ENTHD1: variants seen among roughly 807,000 people sequenced by gnomAD.
ENTHD1 encodes ENTH domain-containing protein 1.
In ENTHD1, 23 loss-of-function variants were observed where a neutral mutation model predicts 39.1. The observed-to-expected ratio is 0.59, with a 90% CI of 0.42 to 0.83. The LOEUF (loss-of-function observed/expected upper bound fraction) is 0.83, where lower values mean the gene tolerates loss of function less well. Ranked by LOEUF, ENTHD1 falls within the 40% of genes least tolerant of loss-of-function variation. The pLI is 0.00. For synonymous variants in ENTHD1, 230 were observed against 258.2 expected, an observed-to-expected ratio of 0.89 and a Z score of 1.05; for missense variants, 624 against 705.4, an observed-to-expected ratio of 0.88 and a Z score of 1.31.
chr22:39,776,619 A>G (rs1335589220), intron 5 of ENTHD1, among the ~76,000 whole-genome samples: 1 of 152,194 alleles, frequency 6.6e-6, no homozygotes, highest in Non-Finnish European at 1.5e-5. Flanking sequence ...TTTGTTCCCT[A>G]TGTAAGACAT....
intron 3 of ENTHD1, among the ~76,000 whole-genome samples, chr22:39,850,843 A>G (rs939563339): frequency 2.0e-5 from 3 of 152,288 alleles, no homozygotes; most frequent in African/African-American, 7.2e-5. Flanking sequence ...GCTACCCACT[A>G]TTCTAGTTGT....
chr22:39,752,033 T>C (rs776972963), intron 6 of ENTHD1, among the ~76,000 whole-genome samples: 13 of 152,128 alleles, frequency 8.5e-5, no homozygotes, highest in Admixed American at 5.2e-4. Flanking sequence ...TCTATCTCTA[T>C]AGAAGAGAGA....
chr22:39,860,340 A>G (rs1288068820), intron 3 of ENTHD1, among the ~76,000 whole-genome samples: 1 of 152,214 alleles, frequency 6.6e-6, no homozygotes, highest in East Asian at 1.9e-4. Context: ...ATAATTGGTT[A>G]TTCTTCTCTG....
chr22:39,751,513 TG>T (rs1361948653), intron 6 of ENTHD1, among the ~76,000 whole-genome samples: 7 of 152,246 alleles, frequency 4.6e-5, no homozygotes, highest in East Asian at 1.9e-4. Context: ...GATGTACAGA[TG>T]TTTTTTTCTT....
intron 2 of ENTHD1, among the ~76,000 whole-genome samples, chr22:39,862,742 TA>T (rs1482207680): frequency 1.3e-5 from 2 of 152,052 alleles, no homozygotes; most frequent in African/African-American, 4.8e-5. Context: ...GAAATCACCA[TA>T]TATGTACACG....
intron 5 of ENTHD1, among the ~76,000 whole-genome samples, chr22:39,819,811 G>A (rs942696780): frequency 1.3e-5 from 2 of 152,206 alleles, no homozygotes. Context: ...ACAGGGGTAC[G>A]TGGGAACTCT....
intron 5 of ENTHD1, among the ~76,000 whole-genome samples, chr22:39,814,062 G>A (rs1292556446): frequency 6.6e-6 from 1 of 152,018 alleles, no homozygotes; most frequent in East Asian, 1.9e-4. Context: ...TGAATAGAAT[G>A]ATTGGATATC....
intron 5 of ENTHD1, among the ~76,000 whole-genome samples, chr22:39,782,547 A>T (rs2065418886): frequency 6.6e-6 from 1 of 152,228 alleles, no homozygotes; most frequent in African/African-American, 2.4e-5. Context: ...ATGAATATAG[A>T]TACAAAAATT....
intron 2 of ENTHD1, among the ~76,000 whole-genome samples, chr22:39,881,271 G>A (rs1398117960): frequency 3.9e-5 from 6 of 152,174 alleles, no homozygotes; most frequent in African/African-American, 7.2e-5. Context: ...TCCAACTGGT[G>A]ACTCTTTTAA....
chr22:39,794,803 CAAAA>C (rs751655466), intron 5 of ENTHD1, among the ~76,000 whole-genome samples: 2 of 82,390 alleles, frequency 2.4e-5, no homozygotes, highest in Admixed American at 1.3e-4. Flanking sequence ...GACTCCATCT[CAAAA>C]AAAAAAAAAA....
chr22:39,868,452 T>A (rs1218286009), intron 2 of ENTHD1, among the ~76,000 whole-genome samples: 1 of 151,996 alleles, frequency 6.6e-6, no homozygotes, highest in East Asian at 1.9e-4. Flanking sequence ...TACACATTTT[T>A]AAAATCTAAC....
intron 3 of ENTHD1, among the ~76,000 whole-genome samples, chr22:39,846,301 A>T (rs2065988108): frequency 6.6e-6 from 1 of 152,152 alleles, no homozygotes; most frequent in South Asian, 2.1e-4. Flanking sequence ...CTCAGGCTCA[A>T]GCGATCTTCC....
intron 6 of ENTHD1, among the ~76,000 whole-genome samples, chr22:39,757,538 A>G (rs1426276110): frequency 2.0e-5 from 3 of 152,024 alleles, no homozygotes; most frequent in Admixed American, 2.0e-4. Context: ...TTAGCTGGGC[A>G]TGGTGGCACG....
rs2065084925 is a variant in ENTHD1, at chr22:39,744,150, A to C, written c.1353T>G (p.His451Gln). 19 of 1,614,154 alleles carry C rather than the reference A, an allele frequency of 1.2e-5. No individual in the cohort carries two copies. The highest frequency in any genetic ancestry group is 1.6e-5 in the Non-Finnish European group (19 of 1,180,000). The part of the protein sequence containing the change: ...LAGPSFWTLS[H>Q]QQLSSTSFKD... ...TAAAGGAGGTAGAAGACAACTGTTG[A>C]TGGGACAGAGTCCAGAAGGAAGGTC... The change falls in exon 7 of 7, where the codon CAT (histidine) becomes CAG (glutamine). Residue 451 changes from histidine to glutamine, a missense_variant. Physicochemically the swap from His to Gln is conservative, Grantham distance 24. Transcript: ENST00000325157.
intron 5 of ENTHD1, among the ~76,000 whole-genome samples, chr22:39,819,170 T>C (rs564045532): frequency 1.8e-4 from 27 of 152,042 alleles, no homozygotes; most frequent in African/African-American, 6.5e-4. Context: ...ATCAAGACCA[T>C]CCTGGCTAAC....
chr22:39,859,063 T>A (rs1192836559), intron 3 of ENTHD1, among the ~76,000 whole-genome samples: 1 of 152,204 alleles, frequency 6.6e-6, no homozygotes, highest in African/African-American at 2.4e-5. Context: ...CTGCTTCACT[T>A]TGTACTTGTG....
chr22:39,889,447 C>T (rs761296386), intron 1 of ENTHD1, among the ~76,000 whole-genome samples: 1 of 152,218 alleles, frequency 6.6e-6, no homozygotes, highest in Non-Finnish European at 1.5e-5. Flanking sequence ...TAGTGATTCA[C>T]CACTGCTGGC....
chr22:39,791,985 G>A (rs1289720553), intron 5 of ENTHD1, among the ~76,000 whole-genome samples: 1 of 152,018 alleles, frequency 6.6e-6, no homozygotes. Flanking sequence ...AGAATATGCG[G>A]TATTTGGTTT....
chr22:39,861,831 T>TG lies in ENTHD1; in HGVS notation c.525dup (p.Thr176HisfsTer12). On this transcript the variant is annotated frameshift_variant, in exon 3 of 7. Coordinates refer to ENST00000325157, the MANE Select transcript of ENTHD1 (RefSeq NM_152512.4). LOFTEE classifies it high-confidence loss of function. ...TTCTCTGAAGCAGAAATATCCGGTG[T>TG]GGGGGCAGAAGTGCACGCTGTCAGT... 6.3e-7 allele frequency: 1 copy of TG among 1,598,000 alleles called. No individual in the cohort carries two copies.
Sources: gnomAD v4.1 joint callset for allele counts (sites outside exome capture counted in the v4.1 genomes callset) on GRCh38, gnomAD v4.1.1 for gene constraint, MANE v1.5 for transcripts, NCBI Gene and HGNC (gene_info 2026-07-23, HGNC 2026-07-21) for gene names.